Variants in DENND2B observed in about 807,000 individuals in gnomAD.
DENND2B encodes DENN domain containing 2B.
A neutral mutation model predicts 116.0 loss-of-function variants in DENND2B; 32 were observed. The ratio of observed to expected loss-of-function variants is 0.28; its 90% CI spans 0.21 to 0.37. The LOEUF is 0.37. Ranked by LOEUF, DENND2B falls within the 10% of genes least tolerant of loss-of-function variation. The pLI, the probability that DENND2B is intolerant of heterozygous loss-of-function variation, is 1.00. For missense variants in DENND2B, 1,276 were observed against 1,477.7 expected, an observed-to-expected ratio of 0.86 and a Z score of 2.24; for synonymous variants, 588 against 583.9, an observed-to-expected ratio of 1.01 and a Z score of -0.10.
At chr11:8,758,703 T>C (rs1243369886) in intron 1 of DENND2B, among the ~76,000 whole-genome samples, 2 of 152,200 alleles carry the variant, frequency 1.3e-5, no homozygotes, top group Non-Finnish European at 2.9e-5. Context: ...ATGACAACAG[T>C]GGGCCAGAGC....
intron 4 of DENND2B, among the ~76,000 whole-genome samples, chr11:8,824,411 C>T (rs1019925181): frequency 6.6e-6 from 1 of 152,090 alleles, no homozygotes; most frequent in African/African-American, 2.4e-5. Flanking sequence ...TCCATGTGTA[C>T]TCAATGTTTA....
chr11:8,696,774 C>T lies in DENND2B; in HGVS notation c.3053-108G>A. On this transcript the variant is annotated intron_variant, in intron 17 of 19. Transcript: ENST00000313726. ...CCCCAACAAGACTTCCAGCCAGTAC[C>T]ACTCTTCTGTTCTGGAAGCTCTTTT... is the stretch of plus-strand genomic sequence containing the variant. 2.7e-6 allele frequency: 4 copies of T among 1,493,328 alleles called. No individual in the cohort carries two copies. In the South Asian group the frequency reaches 5.3e-5, roughly 20 times the overall value. The allele number at this position is 1,493,328 out of a possible 1,614,324, so 92.5% of individuals were successfully genotyped here. A position where few individuals can be genotyped will look rare whatever the true frequency, so the allele number is the denominator to read the frequency against.
chr11:8,869,159 A>G (rs2063687799), intron 2 of DENND2B, among the ~76,000 whole-genome samples: 3 of 152,198 alleles, frequency 2.0e-5, no homozygotes, highest in Admixed American at 2.0e-4. Context: ...TTCCCCAAGG[A>G]GTCCACAAAC....
intron 3 of DENND2B, among the ~76,000 whole-genome samples, chr11:8,854,031 T>C (rs2063109577): frequency 7.4e-6 from 1 of 134,980 alleles, no homozygotes; most frequent in Non-Finnish European, 1.6e-5. Context: ...TTTTTTTTTT[T>C]TTTTTTTTTT....
intron 2 of DENND2B, among the ~76,000 whole-genome samples, chr11:8,870,633 C>A (rs1185448881): frequency 6.6e-6 from 1 of 152,026 alleles, no homozygotes; most frequent in Non-Finnish European, 1.5e-5. Context: ...AGAGCCAGCT[C>A]CCAGGACGTC....
At chr11:8,772,627 A>C (rs1438023762) in intron 1 of DENND2B, among the ~76,000 whole-genome samples, 1 of 152,088 alleles carries the variant, frequency 6.6e-6, no homozygotes, top group Non-Finnish European at 1.5e-5. Context: ...GTGAGAGAGA[A>C]GGAAACAGAG....
At chr11:8,818,642 G>A (rs904372975) in intron 4 of DENND2B, among the ~76,000 whole-genome samples, 1 of 152,018 alleles carries the variant, frequency 6.6e-6, no homozygotes, top group Non-Finnish European at 1.5e-5. Flanking sequence ...TGCCAGCCAT[G>A]CCCCACTGCC....
chr11:8,739,826 G>GT (rs2133980660), intron 2 of DENND2B, among the ~76,000 whole-genome samples: 1 of 152,278 alleles, frequency 6.6e-6, no homozygotes, highest in South Asian at 2.1e-4. Context: ...ACACAAATAT[G>GT]TAAGACACAT....
intron 2 of DENND2B, among the ~76,000 whole-genome samples, chr11:8,865,089 T>C (rs1175771199): frequency 6.6e-6 from 1 of 150,790 alleles, no homozygotes; most frequent in African/African-American, 2.4e-5. Flanking sequence ...TTTCTAATGC[T>C]ACTAACAAAG....
intron 1 of DENND2B, among the ~76,000 whole-genome samples, chr11:8,803,702 C>T (rs2060558060): frequency 6.6e-6 from 1 of 152,116 alleles, no homozygotes; most frequent in South Asian, 2.1e-4. Flanking sequence ...TTACAATAAC[C>T]CTTTGAGGTG....
intron 3 of DENND2B, among the ~76,000 whole-genome samples, chr11:8,728,855 T>C (rs2047588015): frequency 6.6e-6 from 1 of 152,210 alleles, no homozygotes; most frequent in African/African-American, 2.4e-5. Flanking sequence ...CAGCACAATC[T>C]TGGTGCACAG....
chr11:8,699,189 C>G (rs753520007), intron 15 of DENND2B, 24 bp downstream of exon 15: 6 of 1,541,552 alleles, frequency 3.9e-6, no homozygotes, highest in Non-Finnish European at 5.2e-6. Flanking sequence ...CCCTTCCCCC[C>G]AGCTGGTTCC....
At chr11:8,750,865 C>T (rs2052287018) in intron 1 of DENND2B, 140 bp from the exon 2 acceptor site, 2 of 696,830 alleles carry the variant, frequency 2.9e-6, no homozygotes, top group Non-Finnish European at 2.5e-6. Context: ...TAATGTTTAA[C>T]TCCATGTGTT....
chr11:8,735,933 C>G (rs2048945704), intron 2 of DENND2B, among the ~76,000 whole-genome samples: 1 of 152,188 alleles, frequency 6.6e-6, no homozygotes. Flanking sequence ...TAGTTGTTTC[C>G]TAGTTCCTCA....
At chr11:8,840,334 C>G (rs1011231613) in intron 3 of DENND2B, among the ~76,000 whole-genome samples, 2 of 151,958 alleles carry the variant, frequency 1.3e-5, no homozygotes, top group African/African-American at 4.8e-5. Flanking sequence ...GCACCAAGAC[C>G]ACAAAAAAGG....
At chr11:8,758,666 A>G (rs1250694473) in intron 1 of DENND2B, among the ~76,000 whole-genome samples, 3 of 152,148 alleles carry the variant, frequency 2.0e-5, no homozygotes, top group Non-Finnish European at 4.4e-5. Flanking sequence ...AAATGAGAAA[A>G]TTTACCATCA....
intron 5 of DENND2B, 109 bp from the exon 6 acceptor site, chr11:8,715,927 C>T: frequency 9.8e-7 from 1 of 1,022,208 alleles, no homozygotes; most frequent in Non-Finnish European, 1.4e-6. Context: ...CCCTGGATCC[C>T]CGCCATCTTG....
At chr11:8,734,952 G>A (rs188778840) in intron 2 of DENND2B, among the ~76,000 whole-genome samples, 2 of 144,114 alleles carry the variant, frequency 1.4e-5, no homozygotes, top group Non-Finnish European at 3.1e-5. Context: ...GTAATCACCT[G>A]GGAAATTTGG....
chr11:8,809,672 T>C (rs1260809607), intron 1 of DENND2B: 3 of 152,152 alleles, frequency 2.0e-5, no homozygotes, highest in African/African-American at 7.2e-5. Context: ...GGACAATCAG[T>C]GTAGGAGTGC....
Sources: gnomAD v4.1 joint callset for allele counts (sites outside exome capture counted in the v4.1 genomes callset) on GRCh38, gnomAD v4.1.1 for gene constraint, MANE v1.5 for transcripts, NCBI Gene and HGNC (gene_info 2026-07-23, HGNC 2026-07-21) for gene names.